The following GALC variants were observed in gnomAD, a reference collection of about 807,000 sequenced individuals.
The protein encoded by GALC is galactocerebrosidase.
GALC carries 77 observed loss-of-function variants against 91.8 expected under a neutral mutation model. That is an observed-to-expected ratio of 0.84 (90% CI 0.70 to 1.01). The LOEUF is 1.01. Among genes scored for constraint, GALC ranks in the 50% least tolerant of loss-of-function variants. GALC has a pLI of 0.00. For synonymous variants in GALC, 357 were observed against 306.7 expected (o/e 1.16, Z -1.71); for missense variants, 882 against 855.9 (o/e 1.03, Z -0.38).
chr14:87,973,777 G>GT (rs1886388681), intron 7 of GALC, among the ~76,000 whole-genome samples: 1 of 152,160 alleles, frequency 6.6e-6, no homozygotes, highest in Non-Finnish European at 1.5e-5. Flanking sequence ...ACTATCCTGT[G>GT]TACTAAAGGA....
At chr14:87,936,914 T>TACATATATATATATA (rs60680373) in intron 16 of GALC, among the ~76,000 whole-genome samples, 1 of 105,662 alleles carries the variant, frequency 9.5e-6, no homozygotes, top group Non-Finnish European at 1.8e-5. Flanking sequence ...ATATATATAT[T>TACATATATATATATA]TATTTATTTT....
chr14:87,968,567 T>C, intron 7 of GALC, 77 bp from the exon 8 acceptor site: 1 of 1,384,106 alleles, frequency 7.2e-7, no homozygotes, highest in Non-Finnish European at 1.0e-6. Context: ...TTGTTGAGTA[T>C]ATAAAAATAC....
chr14:87,952,813 A>T, intron 10 of GALC: 1 of 1,448,300 alleles, frequency 6.9e-7, no homozygotes, highest in Non-Finnish European at 9.7e-7. Flanking sequence ...CAGAAGATTC[A>T]CTCCTCTAGA....
intron 10 of GALC, among the ~76,000 whole-genome samples, chr14:87,961,977 T>C (rs1885825627): frequency 6.6e-5 from 10 of 152,168 alleles, no homozygotes; most frequent in Admixed American, 5.9e-4. Context: ...TAGTTTTGGG[T>C]GCTCATTACC....
intron 1 of GALC, chr14:87,989,429 AC>A (rs1887104860): frequency 6.6e-6 from 1 of 151,908 alleles, no homozygotes; most frequent in Non-Finnish European, 1.5e-5. Context: ...TGAGGCAAAC[AC>A]CCATGGAGCT....
chr14:87,976,310 G>C lies in GALC; in HGVS notation c.752+48C>G, dbSNP rs950877444. ...GCAAGAAAAAGATAGTCAATACACAGAGCAAGCAATCAGAAACTGCTAGTT... is the reference window on the plus strand; with the variant it reads ...GCAAGAAAAAGATAGTCAATACACACAGCAAGCAATCAGAAACTGCTAGTT... On this transcript the variant is annotated intron_variant, in intron 7 of 16. Coordinates refer to ENST00000261304, the MANE Select transcript of GALC (RefSeq NM_000153.4). The C allele has an allele frequency of 1.9e-6, 3 of 1,606,204 alleles. No homozygotes were observed. In the African/African-American group the frequency reaches 4.0e-5, roughly 21 times the overall value.
chr14:87,950,779 A>G, intron 10 of GALC, 31 bp from the exon 11 acceptor site: 1 of 1,436,334 alleles, frequency 7.0e-7, no homozygotes, highest in Non-Finnish European at 9.8e-7. Flanking sequence ...ACATTATCCA[A>G]ATGATGTATA....
intron 2 of GALC, 94 bp downstream of exon 2, chr14:87,988,361 A>G: frequency 7.8e-7 from 1 of 1,282,622 alleles, no homozygotes; most frequent in East Asian, 2.3e-5. Context: ...TTTTTCAAAA[A>G]CTAGAATTGT....
intron 16 of GALC, among the ~76,000 whole-genome samples, chr14:87,936,914 T>TATATATATATATATAGATATATATATATA (rs60680373): frequency 9.5e-6 from 1 of 105,662 alleles, no homozygotes; most frequent in African/African-American, 3.9e-5. Context: ...ATATATATAT[T>TATATATATATATATAGATATATATATATA]TATTTATTTT....
chr14:87,967,900 G>A (rs754512225), intron 8 of GALC, among the ~76,000 whole-genome samples: 32 of 152,106 alleles, frequency 2.1e-4, no homozygotes, highest in Non-Finnish European at 3.8e-4. Context: ...GAAACAATTA[G>A]GAAAATCTGA....
Position 87,982,238 on chromosome 14 carries a change from C to T in GALC, c.588G>A (p.Trp196Ter). ...HDLDIDYIGI[W>*]NERSYNANYI... ...AATTGGCATTATATGACCTCTCATTCCAAATCTGCAAAACAAAAAGTCAAA... is the reference window on the plus strand; with the variant it reads ...AATTGGCATTATATGACCTCTCATTTCAAATCTGCAAAACAAAAAGTCAAA... The change falls in exon 6 of 17, where the codon TGG becomes TGA. Residue 196 changes from tryptophan (W) to a stop codon, truncating the protein, a stop_gained. Transcript: ENST00000261304. LOFTEE classifies it high-confidence loss of function. 6.3e-7 allele frequency: 1 copy of T among 1,582,378 alleles called. No homozygotes were observed. Among genetic ancestry groups the T allele is most frequent in the Non-Finnish European group, 8.7e-7 (1 of 1,152,204 alleles).
chr14:87,986,570 G>C lies in GALC; in HGVS notation c.361C>G (p.Leu121Val). ...GTEPSHMHYA[L>V]DENYFRGYEW... is the part of the protein sequence containing the mutation. Reference sequence around the variant, plus strand: ...TATCCTCGGAAATAATTCTCATCTAGTGCATAATGCATGTGGGAGGGCTCA... The same window carrying C: ...TATCCTCGGAAATAATTCTCATCTACTGCATAATGCATGTGGGAGGGCTCA... Residue 121 changes from leucine (L) to valine (V), a missense_variant, in exon 4 of 17, where the codon CTA becomes GTA. Physicochemically the swap from Leu to Val is conservative, Grantham distance 32 (BLOSUM62 1). Transcript: ENST00000261304. The C allele has an allele frequency of 6.2e-7, 1 of 1,613,594 alleles. No homozygotes were observed. Among genetic ancestry groups the C allele is most frequent in the Non-Finnish European group, 8.5e-7 (1 of 1,179,624 alleles).
chr14:87,980,442 C>T (rs1377829636), intron 6 of GALC: 40 of 933,046 alleles, frequency 4.3e-5, no homozygotes, highest in Non-Finnish European at 5.1e-5. Context: ...GGTCAGTGCC[C>T]CCACTCTTCC....
At chr14:87,935,985 A>G (rs2301120) in intron 16 of GALC, among the ~76,000 whole-genome samples, 70,499 of 151,614 alleles carry the variant, frequency 0.46, 17,925 homozygotes, top group East Asian at 0.76. Context: ...GCCATCAAAC[A>G]CTCAATATTA....
chr14:87,977,812 T>C (rs1886564882), intron 6 of GALC, among the ~76,000 whole-genome samples: 1 of 152,214 alleles, frequency 6.6e-6, no homozygotes, highest in African/African-American at 2.4e-5. Context: ...CATGGTATAC[T>C]TTTCAACAGA....
In GALC at chr14:87,941,896, A is replaced by G. The variant is rs191190836; in HGVS notation, c.1671-338T>C. 1.3e-3 allele frequency among the ~76,000 whole-genome samples: 201 copies of G among 152,166 alleles called. 1 individual carries two copies. The highest frequency in any genetic ancestry group is 4.2e-3 in the African/African-American group (174 of 41,550). On this transcript the variant is annotated intron_variant, in intron 14 of 16. Coordinates refer to ENST00000261304, the MANE Select transcript of GALC (RefSeq NM_000153.4). ...AAATGCTACTATTGTCTATGAACAC[A>G]TTAAAAAGTAAAAAGTTCCACACAA...
In GALC at chr14:87,978,082, C is replaced by T. The variant is rs981485783; in HGVS notation, c.622-1594G>A. On this transcript the variant is annotated intron_variant, in intron 6 of 16. Coordinates refer to ENST00000261304, the MANE Select transcript of GALC (RefSeq NM_000153.4). ...CTTCCTTTTCTTTGAGACGGAGTTT[C>T]GCTCTTGTTGCCCAGGCTGGGGTGT... Among the ~76,000 whole-genome samples the T allele has an allele frequency of 4.6e-5, 7 of 152,268 alleles. No individual in the cohort carries two copies. The East Asian group carries it at 5.8e-4, about 13-fold the overall frequency.
intron 7 of GALC, among the ~76,000 whole-genome samples, chr14:87,974,176 A>C (rs967027602): frequency 5.9e-5 from 9 of 152,168 alleles, no homozygotes; most frequent in Non-Finnish European, 1.0e-4. Flanking sequence ...AACTTTAAAA[A>C]AGCAAAATCT....
intron 6 of GALC, among the ~76,000 whole-genome samples, chr14:87,980,088 A>G (rs1476469807): frequency 2.0e-5 from 3 of 152,168 alleles, no homozygotes; most frequent in Non-Finnish European, 2.9e-5. Flanking sequence ...ATTAATTAAA[A>G]TATGCCATTA....
Sources: gnomAD v4.1 joint callset for allele counts (sites outside exome capture counted in the v4.1 genomes callset) on GRCh38, gnomAD v4.1.1 for gene constraint, MANE v1.5 for transcripts, NCBI Gene and HGNC (gene_info 2026-07-23, HGNC 2026-07-21) for gene names.